The following PPP1R9A variants were observed in gnomAD, a reference collection of about 807,000 sequenced individuals.
PPP1R9A encodes protein phosphatase 1 regulatory subunit 9A.
In PPP1R9A, 59 loss-of-function variants were observed where a neutral mutation model predicts 141.9. The observed-to-expected ratio is 0.42, with a 90% CI of 0.34 to 0.52. The LOEUF is 0.52. Ranked by LOEUF, PPP1R9A falls within the 20% of genes least tolerant of loss-of-function variation. PPP1R9A has a pLI of 0.10. For missense variants in PPP1R9A, 1,444 were observed against 1,611.9 expected (o/e 0.90, Z 1.78); for synonymous variants, 500 against 569.7 (o/e 0.88, Z 1.74).
intron 7 of PPP1R9A, among the ~76,000 whole-genome samples, chr7:95,217,959 T>A (rs1793752423): frequency 6.6e-6 from 1 of 152,192 alleles, no homozygotes; most frequent in African/African-American, 2.4e-5. Flanking sequence ...GTTTTTTGTG[T>A]CTCTATCTCC....
intron 2 of PPP1R9A, among the ~76,000 whole-genome samples, chr7:94,973,610 T>C (rs986169027): frequency 6.6e-6 from 1 of 152,140 alleles, no homozygotes. Context: ...AGATAGGGAT[T>C]AGATAGTGTC....
At chr7:94,970,427 G>A (rs1056774080) in intron 2 of PPP1R9A, among the ~76,000 whole-genome samples, 1 of 152,088 alleles carries the variant, frequency 6.6e-6, no homozygotes, top group Non-Finnish European at 1.5e-5. Flanking sequence ...TGCACTTACC[G>A]GGAGAGGCAA....
rs184708624 is a variant in PPP1R9A, at chr7:95,181,213, T to C, written c.1755-17136T>C. 7.4e-3 allele frequency among the ~76,000 whole-genome samples: 1,065 copies of C among 144,276 alleles called. 23 individuals are homozygous for C. Among genetic ancestry groups the C allele is most frequent in the Admixed American group, 0.039 (539 of 13,952 alleles). 94.7% of individuals were successfully genotyped at this position (144,276 alleles called of 152,430 possible). A position where few individuals can be genotyped will look rare whatever the true frequency, so the allele number is the denominator to read the frequency against. On this transcript the variant is annotated intron_variant, in intron 5 of 19. Coordinates refer to ENST00000433360, the MANE Select transcript of PPP1R9A (RefSeq NM_001166160.2). Reference sequence around the variant, plus strand: ...ATATATAGAATATATATAGAATATATAGAGAAAATATATAGAATATATATA... The same window carrying C: ...ATATATAGAATATATATAGAATATACAGAGAAAATATATAGAATATATATA...
intron 1 of PPP1R9A, among the ~76,000 whole-genome samples, chr7:94,909,631 C>T (rs1018082648): frequency 6.6e-6 from 1 of 150,670 alleles, no homozygotes; most frequent in Non-Finnish European, 1.5e-5. Context: ...TTATGTGTAG[C>T]TTGTATTTGT....
intron 7 of PPP1R9A, among the ~76,000 whole-genome samples, chr7:95,217,956 G>A (rs957233536): frequency 6.6e-6 from 1 of 152,000 alleles, no homozygotes; most frequent in South Asian, 2.1e-4. Context: ...AGGGTTTTTT[G>A]TGTCTCTATC....
intron 2 of PPP1R9A, among the ~76,000 whole-genome samples, chr7:95,031,732 G>A (rs1334484080): frequency 6.6e-6 from 1 of 151,374 alleles, no homozygotes; most frequent in Non-Finnish European, 1.5e-5. Flanking sequence ...CTGCAGCCTG[G>A]GCAAGAGAGT....
At chr7:95,198,153 G>T (rs546826380) in intron 5 of PPP1R9A, among the ~76,000 whole-genome samples, 196 bp from the exon 6 acceptor site, 1 of 151,870 alleles carries the variant, frequency 6.6e-6, no homozygotes, top group African/African-American at 2.4e-5. Context: ...TTTCCTTTAT[G>T]AGCTGTGTCC....
chr7:95,145,093 A>G (rs768127854), intron 4 of PPP1R9A, among the ~76,000 whole-genome samples: 1 of 152,240 alleles, frequency 6.6e-6, no homozygotes, highest in African/African-American at 2.4e-5. Flanking sequence ...GAAGACACAA[A>G]TAAATGGAAA....
rs555685879 is a variant in PPP1R9A, at chr7:95,146,710, C to A, written c.1650-15157C>A. The stretch of plus-strand genomic sequence containing the variant: ...GAAGAGGTCCAGTTTCAGTTTTCTG[C>A]ATATAGCTAGCTAGTTTTCTCAACA... On this transcript the variant is annotated intron_variant, in intron 4 of 19. Coordinates refer to ENST00000433360, the MANE Select transcript of PPP1R9A (RefSeq NM_001166160.2). Among the ~76,000 whole-genome samples the A allele has an allele frequency of 7.9e-5, 12 of 152,280 alleles. No homozygotes were observed. In the South Asian group the frequency reaches 2.5e-3, roughly 32 times the overall value.
At position 95,292,640 on chromosome 7, in the gene PPP1R9A, C is replaced by T. The variant is rs540870863; in HGVS notation, c.*2337C>T. The T allele has an allele frequency of 3.9e-5, 6 of 152,138 alleles. No individual in the cohort carries two copies. In the South Asian group the frequency reaches 1.0e-3, roughly 26 times the overall value. The allele number at this position is 152,138 out of a possible 1,614,324, so 9.4% of individuals were successfully genotyped here. A position where few individuals can be genotyped will look rare whatever the true frequency, so the allele number is the denominator to read the frequency against. ...AACTGACAATGTTATAAATCAAATTCTTATTCCTAAAATCATTTAGTATTA... is the reference window on the plus strand; with the variant it reads ...AACTGACAATGTTATAAATCAAATTTTTATTCCTAAAATCATTTAGTATTA... On this transcript the variant is annotated 3_prime_UTR_variant, in exon 20 of 20. Transcript: ENST00000433360.
intron 8 of PPP1R9A, among the ~76,000 whole-genome samples, chr7:95,242,132 A>C (rs1404421503): frequency 2.0e-5 from 3 of 152,188 alleles, no homozygotes; most frequent in Non-Finnish European, 4.4e-5. Flanking sequence ...TTTTCAGCAG[A>C]AATTACAAAG....
intron 4 of PPP1R9A, among the ~76,000 whole-genome samples, chr7:95,145,825 T>C (rs937274866): frequency 1.3e-5 from 2 of 152,232 alleles, no homozygotes; most frequent in East Asian, 3.8e-4. Context: ...GCAAAGGACA[T>C]TAACTCATCC....
At chr7:95,285,372 T>G (rs1002337340) in intron 17 of PPP1R9A, among the ~76,000 whole-genome samples, 1 of 152,236 alleles carries the variant, frequency 6.6e-6, no homozygotes, top group Non-Finnish European at 1.5e-5. Context: ...ACATTTTCAG[T>G]ATTGGATCTG....
intron 2 of PPP1R9A, among the ~76,000 whole-genome samples, chr7:94,945,307 A>G (rs946551759): frequency 1.3e-5 from 2 of 152,064 alleles, no homozygotes; most frequent in African/African-American, 2.4e-5. Context: ...TTTTCATGAC[A>G]TATACAAAAG....
intron 7 of PPP1R9A, among the ~76,000 whole-genome samples, chr7:95,210,292 A>G (rs897463016): frequency 3.9e-5 from 6 of 152,146 alleles, no homozygotes; most frequent in Admixed American, 2.6e-4. Flanking sequence ...TTTCAAGGCA[A>G]CCTGTCAAAA....
intron 4 of PPP1R9A, among the ~76,000 whole-genome samples, chr7:95,122,651 C>A (rs891519125): frequency 6.6e-6 from 1 of 152,150 alleles, no homozygotes; most frequent in African/African-American, 2.4e-5. Context: ...TGAAATAAAT[C>A]TTTTGAGTGA....
At chr7:95,209,729 T>C (rs771719818) in intron 7 of PPP1R9A, among the ~76,000 whole-genome samples, 5 of 152,226 alleles carry the variant, frequency 3.3e-5, no homozygotes, top group African/African-American at 4.8e-5. Flanking sequence ...AATTTCTGGT[T>C]CTATCTGATG....
chr7:95,255,327 A>C (rs896140276), intron 12 of PPP1R9A, among the ~76,000 whole-genome samples: 4 of 152,140 alleles, frequency 2.6e-5, no homozygotes, highest in African/African-American at 9.7e-5. Context: ...TTATGTTGAT[A>C]CCATTTGCTG....
At chr7:95,153,540 T>A (rs1446970198) in intron 4 of PPP1R9A, among the ~76,000 whole-genome samples, 1 of 152,238 alleles carries the variant, frequency 6.6e-6, no homozygotes, top group East Asian at 1.9e-4. Context: ...TACAAAATTA[T>A]GGAGAAAACA....
Sources: gnomAD v4.1 joint callset for allele counts (sites outside exome capture counted in the v4.1 genomes callset) on GRCh38, gnomAD v4.1.1 for gene constraint, MANE v1.5 for transcripts, NCBI Gene and HGNC (gene_info 2026-07-23, HGNC 2026-07-21) for gene names.